The following FER variants were observed in gnomAD, a reference collection of about 807,000 sequenced individuals.
FER encodes the protein tyrosine-protein kinase Fer.
In FER, 63 loss-of-function variants were observed where a neutral mutation model predicts 111.0. The observed-to-expected ratio is 0.57, with a 90% CI of 0.46 to 0.70. The LOEUF (loss-of-function observed/expected upper bound fraction) is 0.70. Among genes scored for constraint, FER ranks in the 30% least tolerant of loss-of-function variants. The probability of loss-of-function intolerance (pLI) is 0.00; values close to 1 mark genes in which losing one functional copy is unlikely to be tolerated. For synonymous variants in FER, 327 were observed against 313.9 expected, an observed-to-expected ratio of 1.04 and a Z score of -0.44; for missense variants, 914 against 954.0, an observed-to-expected ratio of 0.96 and a Z score of 0.55.
At chr5:109,148,354 T>C (rs920614546) in intron 17 of FER, among the ~76,000 whole-genome samples, 1 of 152,094 alleles carries the variant, frequency 6.6e-6, no homozygotes. Context: ...GATTTTAATC[T>C]GCAAGTTAGA....
chr5:109,177,374 T>C (rs1757814464), intron 17 of FER: 1 of 152,062 alleles, frequency 6.6e-6, no homozygotes, highest in Non-Finnish European at 1.5e-5. Flanking sequence ...CTAGTAGTTA[T>C]TTGTGGCTCA....
intron 16 of FER, among the ~76,000 whole-genome samples, chr5:109,047,910 A>C (rs1772221047): frequency 6.6e-6 from 1 of 152,194 alleles, no homozygotes; most frequent in Non-Finnish European, 1.5e-5. Flanking sequence ...GACAACAAAG[A>C]AAACTTTGAA....
At chr5:109,125,429 G>A (rs899877799) in intron 17 of FER, among the ~76,000 whole-genome samples, 1 of 152,110 alleles carries the variant, frequency 6.6e-6, no homozygotes, top group Admixed American at 6.5e-5. Context: ...TCTTAAAAGT[G>A]TCTTATATTC....
intron 11 of FER, among the ~76,000 whole-genome samples, chr5:108,953,948 TCTA>T (rs1758094129): frequency 1.3e-5 from 2 of 152,102 alleles, no homozygotes; most frequent in African/African-American, 2.4e-5. Context: ...TGTGATTTAA[TCTA>T]CTATCAGCAC....
At chr5:108,820,900 C>T (rs1032934626) in intron 3 of FER, among the ~76,000 whole-genome samples, 5 of 151,992 alleles carry the variant, frequency 3.3e-5, no homozygotes, top group South Asian at 2.1e-4. Flanking sequence ...CCAAGGTGGG[C>T]GAATCACTTG....
At chr5:108,946,826 G>A (rs1038631984) in intron 11 of FER, among the ~76,000 whole-genome samples, 4 of 151,616 alleles carry the variant, frequency 2.6e-5, no homozygotes, top group African/African-American at 7.3e-5. Context: ...TGGAGAAGGA[G>A]TTTTTTTTCC....
At chr5:109,026,237 T>G (rs768571857) in intron 13 of FER, among the ~76,000 whole-genome samples, 1 of 152,210 alleles carries the variant, frequency 6.6e-6, no homozygotes, top group Non-Finnish European at 1.5e-5. Flanking sequence ...AACTATTTTA[T>G]GTAGCTTGCA....
intron 10 of FER, among the ~76,000 whole-genome samples, chr5:108,912,534 G>A (rs1751700989): frequency 2.6e-5 from 4 of 152,094 alleles, no homozygotes; most frequent in Non-Finnish European, 4.4e-5. Flanking sequence ...GCTAATTTTT[G>A]TATTTTTAGT....
At chr5:108,913,336 G>A (rs1013779033) in intron 10 of FER, among the ~76,000 whole-genome samples, 9 of 152,228 alleles carry the variant, frequency 5.9e-5, no homozygotes, top group Middle Eastern at 3.4e-3. Flanking sequence ...CATATTCCTT[G>A]TATATAAATA....
At chr5:108,851,780 C>G (rs1414956055) in intron 5 of FER, among the ~76,000 whole-genome samples, 3 of 152,126 alleles carry the variant, frequency 2.0e-5, no homozygotes, top group Non-Finnish European at 2.9e-5. Flanking sequence ...TTAATTGATT[C>G]TGTATGTTTA....
intron 17 of FER, among the ~76,000 whole-genome samples, chr5:109,108,746 A>C (rs970646931): frequency 6.6e-6 from 1 of 152,174 alleles, no homozygotes; most frequent in African/African-American, 2.4e-5. Flanking sequence ...AGTCTTGATC[A>C]AATTCTGGGG....
chr5:108,887,310 G>A (rs541314066), intron 9 of FER, among the ~76,000 whole-genome samples: 94 of 151,636 alleles, frequency 6.2e-4, no homozygotes, highest in African/African-American at 1.7e-3. Context: ...ATATATCCAT[G>A]TCTCTAAAAT....
intron 17 of FER, among the ~76,000 whole-genome samples, chr5:109,142,090 T>C (rs1279168919): frequency 1.3e-5 from 2 of 152,112 alleles, no homozygotes. Flanking sequence ...ATAGTAACTT[T>C]GGGCTCAGGA....
At chr5:108,906,289 G>A (rs569073593) in intron 10 of FER, among the ~76,000 whole-genome samples, 1 of 151,998 alleles carries the variant, frequency 6.6e-6, no homozygotes, top group Non-Finnish European at 1.5e-5. Flanking sequence ...TTTTTTGCTG[G>A]TCTTTTTTTC....
intron 3 of FER, among the ~76,000 whole-genome samples, chr5:108,816,278 A>G (rs893430952): frequency 3.3e-5 from 5 of 152,246 alleles, no homozygotes; most frequent in Non-Finnish European, 7.3e-5. Context: ...GTAGGAATAC[A>G]TAGTAGACAC....
chr5:109,041,559 G>T (rs1205880432), intron 14 of FER, among the ~76,000 whole-genome samples: 1 of 152,118 alleles, frequency 6.6e-6, no homozygotes, highest in Non-Finnish European at 1.5e-5. Flanking sequence ...GTATGGCAGA[G>T]TTTAAAGTAT....
In FER at chr5:108,977,545, C is replaced by T. The variant is rs905193919; in HGVS notation, c.1656+18198C>T. Among the ~76,000 whole-genome samples, 10 of 152,106 alleles carry T rather than the reference C, an allele frequency of 6.6e-5. 1 individual carries two copies. Among genetic ancestry groups the T allele is most frequent in the Admixed American group, 5.2e-4 (8 of 15,270 alleles). ...GGGTCAACTGTATAATAATATAGAACCTCAAACTCAGCATTTATAAGCATG... is the reference window on the plus strand; with the variant it reads ...GGGTCAACTGTATAATAATATAGAATCTCAAACTCAGCATTTATAAGCATG... On this transcript the variant is annotated intron_variant, in intron 13 of 19. Transcript: ENST00000281092.
intron 17 of FER, among the ~76,000 whole-genome samples, chr5:109,147,607 A>T (rs1754362092): frequency 6.6e-6 from 1 of 152,050 alleles, no homozygotes; most frequent in Non-Finnish European, 1.5e-5. Flanking sequence ...TGCTGCCATT[A>T]TAAATCCTGT....
In FER at chr5:109,100,941, T is replaced by G. The variant is rs73779127; in HGVS notation, c.2048+422T>G. ...CAGCAATTCATAACAGTGAATTTGG[T>G]CAAGGGTAAAAGATTTTCAGACTCA... On this transcript the variant is annotated intron_variant, in intron 17 of 19. Transcript: ENST00000281092. Among the ~76,000 whole-genome samples the G allele has an allele frequency of 6.0e-3, 899 of 151,046 alleles. 11 individuals are homozygous for G. Among genetic ancestry groups the G allele is most frequent in the African/African-American group, 0.021 (858 of 41,038 alleles).
Sources: allele counts gnomAD v4.1 joint callset (sites outside exome capture counted in the v4.1 genomes callset), GRCh38; gene constraint gnomAD v4.1.1; transcripts MANE v1.5; gene names NCBI Gene and HGNC (gene_info 2026-07-23, HGNC 2026-07-21).